The following ZDHHC21 variants were observed in gnomAD, a reference collection of about 807,000 sequenced individuals.
The protein encoded by ZDHHC21 is zDHHC palmitoyltransferase 21.
A neutral mutation model predicts 34.6 loss-of-function variants in ZDHHC21; 15 were observed. The ratio of observed to expected loss-of-function variants is 0.43; its 90% CI spans 0.29 to 0.67. The LOEUF (loss-of-function observed/expected upper bound fraction) is 0.67, where lower values mean the gene tolerates loss of function less well. ZDHHC21 is among the 30% of genes least tolerant of loss of function. The pLI is 0.14. For synonymous variants in ZDHHC21, 142 were observed against 101.8 expected, an observed-to-expected ratio of 1.40 and a Z score of -2.38; for missense variants, 344 against 327.7, an observed-to-expected ratio of 1.05 and a Z score of -0.38.
chr9:14,646,975 G>A (rs1011294475), intron 7 of ZDHHC21, among the ~76,000 whole-genome samples: 1 of 152,008 alleles, frequency 6.6e-6, no homozygotes, highest in Non-Finnish European at 1.5e-5. Context: ...TTTATTAAAT[G>A]AATGAATGAA....
the ZDHHC21 span, among the ~76,000 whole-genome samples, chr9:14,603,369 T>A: frequency 2.6e-5 from 4 of 152,264 alleles, no homozygotes; most frequent in East Asian, 7.7e-4. Flanking sequence ...ATTAGAAATA[T>A]ATAGGTAAAT....
the ZDHHC21 span, among the ~76,000 whole-genome samples, chr9:14,595,754 G>T: frequency 1.3e-4 from 20 of 152,188 alleles, no homozygotes; most frequent in African/African-American, 4.6e-4. Context: ...CATCTCCATT[G>T]GCTGCAAATG....
chr9:14,649,609 T>C (rs775927384), intron 7 of ZDHHC21, among the ~76,000 whole-genome samples: 3 of 152,082 alleles, frequency 2.0e-5, no homozygotes, highest in Non-Finnish European at 2.9e-5. Flanking sequence ...TACATCCTAA[T>C]GGCAATTAAT....
intron 6 of ZDHHC21, among the ~76,000 whole-genome samples, chr9:14,661,872 G>A (rs1007180514): frequency 6.6e-6 from 1 of 152,174 alleles, no homozygotes; most frequent in East Asian, 1.9e-4. Context: ...ATTACAATTA[G>A]AAATAGCTAC....
intron 8 of ZDHHC21, among the ~76,000 whole-genome samples, chr9:14,638,566 A>G (rs530305498): frequency 1.3e-5 from 2 of 152,036 alleles, no homozygotes; most frequent in Non-Finnish European, 2.9e-5. Flanking sequence ...AAAGCTGTAT[A>G]GTAAACAATC....
intron 3 of ZDHHC21, among the ~76,000 whole-genome samples, chr9:14,675,738 T>C (rs562079117): frequency 2.0e-5 from 3 of 152,116 alleles, no homozygotes; most frequent in Admixed American, 2.0e-4. Context: ...ATATGGTAAG[T>C]TCCAGATTTG....
At chr9:14,682,167 C>A (rs369011850) in intron 2 of ZDHHC21, among the ~76,000 whole-genome samples, 1 of 152,156 alleles carries the variant, frequency 6.6e-6, no homozygotes, top group Admixed American at 6.5e-5. Context: ...ATCATAATGA[C>A]AGGATCAAAT....
chr9:14,691,782 A>T (rs1248086962), intron 1 of ZDHHC21, among the ~76,000 whole-genome samples: 1 of 152,214 alleles, frequency 6.6e-6, no homozygotes, highest in Non-Finnish European at 1.5e-5. Context: ...ACACCAAAAC[A>T]ATTATGGAAT....
At chr9:14,602,283 T>C in the ZDHHC21 span, among the ~76,000 whole-genome samples, 1 of 151,986 alleles carries the variant, frequency 6.6e-6, no homozygotes, top group Non-Finnish European at 1.5e-5. Context: ...AGACAGGTCA[T>C]TTGAAATAAT....
chr9:14,672,068 T>C (rs1421103444), intron 5 of ZDHHC21, among the ~76,000 whole-genome samples: 3 of 152,110 alleles, frequency 2.0e-5, no homozygotes, highest in African/African-American at 7.2e-5. Flanking sequence ...TCAAATTGCC[T>C]CATATTTAGT....
chr9:14,669,748 G>C (rs554083815), intron 5 of ZDHHC21, among the ~76,000 whole-genome samples: 2 of 149,018 alleles, frequency 1.3e-5, no homozygotes, highest in Admixed American at 6.7e-5. Context: ...GTAAACTATC[G>C]CAAGAACAAA....
At chr9:14,674,128 C>A in intron 4 of ZDHHC21, 59 bp downstream of exon 4, 1 of 1,268,706 alleles carries the variant, frequency 7.9e-7, no homozygotes, top group Admixed American at 2.9e-5. Flanking sequence ...CACTACACCC[C>A]AAAAACGTTT....
chr9:14,640,095 A>G (rs1829059236), intron 7 of ZDHHC21, 83 bp from the exon 8 acceptor site: 4 of 676,162 alleles, frequency 5.9e-6, no homozygotes, highest in African/African-American at 5.4e-5. Flanking sequence ...GAATTGAGCC[A>G]TAACACATCT....
At chr9:14,662,767 C>A (rs1833639715) in intron 5 of ZDHHC21, among the ~76,000 whole-genome samples, 1 of 152,108 alleles carries the variant, frequency 6.6e-6, no homozygotes, top group South Asian at 2.1e-4. Context: ...GATTAGTAAA[C>A]TGAAATCAAC....
downstream of ZDHHC21, among the ~76,000 whole-genome samples, chr9:14,609,073 C>T (rs999212836): frequency 5.9e-5 from 8 of 136,390 alleles, no homozygotes; most frequent in African/African-American, 2.1e-4. Flanking sequence ...GCTCCACCTT[C>T]CCCAATTGTT....
At position 14,681,135 on chromosome 9, in the gene ZDHHC21, G is replaced by A. The variant is rs551069532; in HGVS notation, c.-175-973C>T. 7.2e-5 allele frequency among the ~76,000 whole-genome samples: 11 copies of A among 152,196 alleles called. No individual in the cohort carries two copies. In the South Asian group the frequency reaches 1.2e-3, roughly 17 times the overall value. ...ATAAATTTTATAACATTACTAGTACGCACAGATATATATGAATAACTAAAA... is the reference window on the plus strand; with the variant it reads ...ATAAATTTTATAACATTACTAGTACACACAGATATATATGAATAACTAAAA... On this transcript the variant is annotated intron_variant, in intron 2 of 9. Transcript: ENST00000380916.
chr9:14,639,700 T>C (rs1461020559), intron 8 of ZDHHC21, among the ~76,000 whole-genome samples, 196 bp downstream of exon 8: 1 of 152,092 alleles, frequency 6.6e-6, no homozygotes, highest in Non-Finnish European at 1.5e-5. Context: ...TTGTTAGCTT[T>C]TAAAAACAGG....
chr9:14,618,765 C>T lies in ZDHHC21; in HGVS notation c.*201G>A, dbSNP rs1824714445. On this transcript the variant is annotated 3_prime_UTR_variant, in exon 10 of 10. Coordinates refer to ENST00000380916, the MANE Select transcript of ZDHHC21 (RefSeq NM_178566.6). The stretch of plus-strand genomic sequence containing the variant: ...GAAAGCTAATTTGAAAGTAAACATG[C>T]TTTAAAACTTAAATATAGATCTTGT... The T allele has an allele frequency of 2.2e-6, 1 of 463,362 alleles. No individual in the cohort carries two copies. Among genetic ancestry groups the T allele is most frequent in the Admixed American group, 4.5e-5 (1 of 22,458 alleles). The allele number at this position is 463,362 out of a possible 1,614,324, so 28.7% of individuals were successfully genotyped here.
At position 14,646,076 on chromosome 9, in the gene ZDHHC21, G is replaced by A. The variant is rs189698627; in HGVS notation, c.505-6064C>T. ...ACATCTAAGTGAAACACATGCACAT[G>A]GACAGCAGGAGGAATAAACAAGGCT... On this transcript the variant is annotated intron_variant, in intron 7 of 9. Transcript: ENST00000380916. Among the ~76,000 whole-genome samples, 24 of 152,192 alleles carry A rather than the reference G, an allele frequency of 1.6e-4. 1 individual carries two copies. The East Asian group carries it at 4.0e-3, about 26-fold the overall frequency.
Sources: allele counts gnomAD v4.1 joint callset (sites outside exome capture counted in the v4.1 genomes callset), GRCh38; gene constraint gnomAD v4.1.1; transcripts MANE v1.5; gene names NCBI Gene and HGNC (gene_info 2026-07-23, HGNC 2026-07-21).